The following ZDHHC14 variants were observed in gnomAD, a reference collection of about 807,000 sequenced individuals.
ZDHHC14 encodes palmitoyltransferase ZDHHC14.
In ZDHHC14, 16 loss-of-function variants were observed where a neutral mutation model predicts 47.7. That is an observed-to-expected ratio of 0.34 (90% CI 0.23 to 0.51). ZDHHC14 has a LOEUF of 0.51. Among genes scored for constraint, ZDHHC14 ranks in the 20% least tolerant of loss-of-function variants. The pLI, the probability that ZDHHC14 is intolerant of heterozygous loss-of-function variation, is 0.97. For missense variants in ZDHHC14, 515 were observed against 662.5 expected, an observed-to-expected ratio of 0.78 and a Z score of 2.44; for synonymous variants, 293 against 278.9, an observed-to-expected ratio of 1.05 and a Z score of -0.50.
At chr6:157,436,987 G>A (rs1368061044) in intron 1 of ZDHHC14, among the ~76,000 whole-genome samples, 4 of 152,080 alleles carry the variant, frequency 2.6e-5, no homozygotes, top group South Asian at 4.1e-4. Flanking sequence ...CATCCACGGG[G>A]CAAGGGGCAT....
intron 2 of ZDHHC14, among the ~76,000 whole-genome samples, chr6:157,547,130 G>A (rs549656978): frequency 8.5e-5 from 13 of 152,206 alleles, no homozygotes; most frequent in East Asian, 1.9e-4. Flanking sequence ...TGTTGCTGAC[G>A]AGGTAGAATG....
At chr6:157,432,400 G>A (rs180927110) in intron 1 of ZDHHC14, among the ~76,000 whole-genome samples, 110 of 152,184 alleles carry the variant, frequency 7.2e-4, no homozygotes, top group Middle Eastern at 3.4e-3. Context: ...GGGGAGAGTG[G>A]GGCAGAGCCC....
chr6:157,589,267 AC>A (rs1280856506), intron 2 of ZDHHC14, among the ~76,000 whole-genome samples: 4 of 152,104 alleles, frequency 2.6e-5, no homozygotes, highest in African/African-American at 9.7e-5. Flanking sequence ...GGAGAAATCC[AC>A]CCCCATGATC....
intron 3 of ZDHHC14, among the ~76,000 whole-genome samples, chr6:157,598,464 A>G (rs989291890): frequency 6.6e-6 from 1 of 152,182 alleles, no homozygotes; most frequent in African/African-American, 2.4e-5. Context: ...ATAACTAAGT[A>G]TGTGAAAATA....
In ZDHHC14 at chr6:157,592,568, G is replaced by A. The variant is rs149913661; in HGVS notation, c.407-420G>A. Reference sequence around the variant, plus strand: ...TTTCCAGGTTTAAGGCAGGAGTCTGGTGCTCACAGACCTGTGCAGGCGGGA... The same window carrying A: ...TTTCCAGGTTTAAGGCAGGAGTCTGATGCTCACAGACCTGTGCAGGCGGGA... On this transcript the variant is annotated intron_variant, in intron 2 of 8. Transcript: ENST00000359775. Among the ~76,000 whole-genome samples, 514 of 152,306 alleles carry A rather than the reference G, an allele frequency of 3.4e-3. 3 individuals carry two copies. Among genetic ancestry groups the A allele is most frequent in the Middle Eastern group, 0.031 (9 of 294 alleles).
intron 1 of ZDHHC14, among the ~76,000 whole-genome samples, chr6:157,430,267 C>G (rs9364988): frequency 0.51 from 72,460 of 143,000 alleles, 17,930 homozygotes; most frequent in East Asian, 0.62. Context: ...AGTGAGCCGA[C>G]AGTGTGACAC....
chr6:157,471,959 C>T (rs528396601), intron 1 of ZDHHC14, among the ~76,000 whole-genome samples: 1 of 152,204 alleles, frequency 6.6e-6, no homozygotes, highest in Non-Finnish European at 1.5e-5. Flanking sequence ...CCATTACTTT[C>T]TGATTAGCAT....
chr6:157,531,238 A>G (rs35578510), intron 1 of ZDHHC14, among the ~76,000 whole-genome samples: 83,484 of 151,832 alleles, frequency 0.55, 23,196 homozygotes, highest in African/African-American at 0.63. Flanking sequence ...ATCATGTAGC[A>G]GTGTGTGAGG....
At chr6:157,405,077 G>A (rs1431075853) in intron 1 of ZDHHC14, among the ~76,000 whole-genome samples, 2 of 150,050 alleles carry the variant, frequency 1.3e-5, no homozygotes, top group Non-Finnish European at 1.5e-5. Context: ...TGAAGCTCCC[G>A]TTTTATTTAT....
chr6:157,515,450 T>C (rs1020037064), intron 1 of ZDHHC14, among the ~76,000 whole-genome samples: 4 of 147,434 alleles, frequency 2.7e-5, no homozygotes, highest in African/African-American at 7.8e-5. Flanking sequence ...TCTTTCTTTT[T>C]CTTTTTCTTT....
chr6:157,598,274 A>G (rs1582997841), intron 3 of ZDHHC14, among the ~76,000 whole-genome samples: 3 of 152,296 alleles, frequency 2.0e-5, no homozygotes, highest in Admixed American at 2.0e-4. Context: ...CTATTTGGGT[A>G]TGATGAGGGG....
At chr6:157,470,463 A>G (rs921858954) in intron 1 of ZDHHC14, among the ~76,000 whole-genome samples, 1 of 152,238 alleles carries the variant, frequency 6.6e-6, no homozygotes, top group Non-Finnish European at 1.5e-5. Context: ...ATGTATCAAC[A>G]TGTAAAATGC....
intron 5 of ZDHHC14, among the ~76,000 whole-genome samples, chr6:157,644,479 G>A (rs1352822347): frequency 6.6e-6 from 1 of 152,224 alleles, no homozygotes; most frequent in Non-Finnish European, 1.5e-5. Flanking sequence ...TCCTTCTAGA[G>A]CAGACCCAGT....
At chr6:157,524,956 TCA>T (rs1781104455) in intron 1 of ZDHHC14, among the ~76,000 whole-genome samples, 1 of 152,214 alleles carries the variant, frequency 6.6e-6, no homozygotes, top group Admixed American at 6.5e-5. Context: ...ATTGATTATC[TCA>T]CAGTTTCTTG....
At chr6:157,422,979 A>G (rs1315362985) in intron 1 of ZDHHC14, among the ~76,000 whole-genome samples, 3 of 152,144 alleles carry the variant, frequency 2.0e-5, no homozygotes, top group Non-Finnish European at 4.4e-5. Context: ...AAAGCAGTTC[A>G]TTTACTCTTT....
At chr6:157,553,894 A>G (rs34621514) in intron 2 of ZDHHC14, among the ~76,000 whole-genome samples, 72,163 of 152,018 alleles carry the variant, frequency 0.47, 17,258 homozygotes, top group Middle Eastern at 0.55. Flanking sequence ...AAGCAGACGG[A>G]GGTGCCACCG....
At chr6:157,576,997 G>C (rs1455886742) in intron 2 of ZDHHC14, among the ~76,000 whole-genome samples, 1 of 152,068 alleles carries the variant, frequency 6.6e-6, no homozygotes, top group Non-Finnish European at 1.5e-5. Context: ...TATTTTTTAT[G>C]ATCTTCTCCC....
chr6:157,649,282 G>T (rs534019776), intron 7 of ZDHHC14, among the ~76,000 whole-genome samples: 1 of 152,218 alleles, frequency 6.6e-6, no homozygotes, highest in Non-Finnish European at 1.5e-5. Context: ...AAGGGGCTCC[G>T]GGGGAGGCTT....
chr6:157,422,981 T>A (rs1374099298), intron 1 of ZDHHC14, among the ~76,000 whole-genome samples: 1 of 152,226 alleles, frequency 6.6e-6, no homozygotes, highest in Non-Finnish European at 1.5e-5. Context: ...AGCAGTTCAT[T>A]TACTCTTTCT....
Sources: allele counts gnomAD v4.1 joint callset (sites outside exome capture counted in the v4.1 genomes callset), GRCh38; gene constraint gnomAD v4.1.1; transcripts MANE v1.5; gene names NCBI Gene and HGNC (gene_info 2026-07-23, HGNC 2026-07-21).